Variants in RHOG observed in about 807,000 individuals in gnomAD.
The protein encoded by RHOG is ras homolog family member G, also known as rho-related GTP-binding protein RhoG.
A neutral mutation model predicts 12.3 loss-of-function variants in RHOG; 1 was observed. The ratio of observed to expected loss-of-function variants is 0.08; its 90% CI spans 0.03 to 0.39. The LOEUF is 0.39. Ranked by LOEUF, RHOG falls within the 10% of genes least tolerant of loss-of-function variation. The probability of loss-of-function intolerance (pLI) is 0.99; values close to 1 mark genes in which losing one functional copy is unlikely to be tolerated. For missense variants in RHOG, 114 were observed against 266.2 expected (o/e 0.43, Z 3.98); for synonymous variants, 129 against 116.0 (o/e 1.11, Z -0.72).
intron 1 of RHOG, among the ~76,000 whole-genome samples, chr11:3,834,814 G>A (rs968857507): frequency 6.6e-6 from 1 of 152,156 alleles, no homozygotes; most frequent in African/African-American, 2.4e-5. Flanking sequence ...AAAGATAGGC[G>A]AGTATGGAGG....
chr11:3,827,364 C>A lies in RHOG; in HGVS notation c.*199G>T. 1.7e-6 allele frequency: 1 copy of A among 592,980 alleles called. No homozygotes were observed. Among genetic ancestry groups the A allele is most frequent in the South Asian group, 2.1e-5 (1 of 48,160 alleles). The allele number at this position is 592,980 out of a possible 1,614,324, so 36.7% of individuals were successfully genotyped here. A position where few individuals can be genotyped will look rare whatever the true frequency, so the allele number is the denominator to read the frequency against. Reference sequence around the variant, plus strand: ...CATGAGAATACCCAGTGTTCCCAAGCAGAGGGGGGCAGAGCCCAAAGCCCC... The same window carrying A: ...CATGAGAATACCCAGTGTTCCCAAGAAGAGGGGGGCAGAGCCCAAAGCCCC... On this transcript the variant is annotated 3_prime_UTR_variant, in exon 2 of 2. Transcript: ENST00000351018. The surrounding 1 kb of genome is among the most constrained non-coding windows in gnomAD (Gnocchi z 7.3).
chr11:3,828,423 G>T (rs990105483), intron 1 of RHOG, among the ~76,000 whole-genome samples: 1 of 152,128 alleles, frequency 6.6e-6, no homozygotes, highest in East Asian at 1.9e-4. Context: ...AAACTCTGGC[G>T]CCAGACAAAC....
At position 3,827,836 on chromosome 11, in the gene RHOG, C is replaced by T. The variant is rs1476245034; in HGVS notation, c.303G>A (p.Val101=). 2 of 1,614,182 alleles carry T rather than the reference C, an allele frequency of 1.2e-6. No individual in the cohort carries two copies. The highest frequency in any genetic ancestry group is 1.1e-5 in the South Asian group (1 of 91,088). ...ENVRHKWHPE[V]CHHCPDVPIL... is the part of the protein sequence containing the mutation. ...TGGGCACATCAGGGCAGTGGTGGCACACCTCTGGATGCCACTTGTGCCGCA... is the reference window on the plus strand; with the variant it reads ...TGGGCACATCAGGGCAGTGGTGGCATACCTCTGGATGCCACTTGTGCCGCA... Residue 101 remains valine (V), a synonymous_variant, in exon 2 of 2, where the codon GTG becomes GTA. Transcript: ENST00000351018. This position sits in a 1 kb window ranked among gnomAD's most constrained non-coding sequence, Gnocchi z 7.3.
chr11:3,830,794 A>G (rs2090123145), intron 1 of RHOG: 1 of 152,254 alleles, frequency 6.6e-6, no homozygotes, highest in Non-Finnish European at 1.5e-5. Flanking sequence ...GCTCCAGCCA[A>G]CATCTGGTTA....
intron 1 of RHOG, among the ~76,000 whole-genome samples, chr11:3,831,890 G>A (rs918450407): frequency 6.6e-6 from 1 of 152,174 alleles, no homozygotes; most frequent in Non-Finnish European, 1.5e-5. Context: ...AGGGAACTCC[G>A]GCTGGCTGTC....
intron 1 of RHOG, among the ~76,000 whole-genome samples, chr11:3,838,423 A>G (rs2090169039): frequency 6.6e-6 from 1 of 152,136 alleles, no homozygotes; most frequent in Admixed American, 6.5e-5. Flanking sequence ...TAAAGTAACT[A>G]CTGGTTTGCC....
chr11:3,836,147 G>A (rs1450836112), intron 1 of RHOG, among the ~76,000 whole-genome samples: 4 of 151,434 alleles, frequency 2.6e-5, no homozygotes, highest in African/African-American at 7.3e-5. Flanking sequence ...GAGATCAGGA[G>A]TTCGAAACCA....
chr11:3,836,729 T>A (rs1183855692), intron 1 of RHOG, among the ~76,000 whole-genome samples: 1 of 150,944 alleles, frequency 6.6e-6, no homozygotes, highest in Non-Finnish European at 1.5e-5. Context: ...TGAAACCCCA[T>A]CTCTACTAAA....
chr11:3,828,037 G>T lies in RHOG; in HGVS notation c.102C>A (p.Pro34=). ...TTNAFPKEYI[P]TVFDNYSAQS... Reference sequence around the variant, plus strand: ...GCGCGCTGTAATTGTCGAACACGGTGGGGATGTACTCTTTGGGGAAAGCGT... The same window carrying T: ...GCGCGCTGTAATTGTCGAACACGGTTGGGATGTACTCTTTGGGGAAAGCGT... Residue 34 remains proline (P), a synonymous_variant, in exon 2 of 2, where the codon CCC becomes CCA. Transcript: ENST00000351018. The T allele has an allele frequency of 6.2e-7, 1 of 1,614,264 alleles. No individual in the cohort carries two copies. Among genetic ancestry groups the T allele is most frequent in the Non-Finnish European group, 8.5e-7 (1 of 1,180,048 alleles).
intron 1 of RHOG, among the ~76,000 whole-genome samples, chr11:3,829,574 G>A (rs2090113801): frequency 6.6e-6 from 1 of 151,702 alleles, no homozygotes; most frequent in Admixed American, 6.6e-5. Flanking sequence ...TGTAAGTACT[G>A]AAAACCCTAT....
At chr11:3,831,411 A>T (rs2090127615) in intron 1 of RHOG, among the ~76,000 whole-genome samples, 1 of 148,088 alleles carries the variant, frequency 6.8e-6, no homozygotes, top group African/African-American at 2.6e-5. Context: ...TGAATGAGAG[A>T]GAGTGTGTGT....
chr11:3,838,829 A>C (rs751635321), intron 1 of RHOG, among the ~76,000 whole-genome samples: 1 of 152,196 alleles, frequency 6.6e-6, no homozygotes, highest in Non-Finnish European at 1.5e-5. Context: ...CTAGAGTGGA[A>C]ACAAGAGCCT....
intron 1 of RHOG, among the ~76,000 whole-genome samples, chr11:3,836,357 CAAAA>C (rs61427960): frequency 4.2e-5 from 5 of 119,570 alleles, no homozygotes; most frequent in African/African-American, 1.5e-4. Context: ...ACTCCATCTC[CAAAA>C]AAAAAAAAAA....
chr11:3,832,390 A>G (rs2090135262), intron 1 of RHOG, among the ~76,000 whole-genome samples: 1 of 152,176 alleles, frequency 6.6e-6, no homozygotes, highest in African/African-American at 2.4e-5. Flanking sequence ...TCTTCAAGTT[A>G]CCCCTTACCA....
chr11:3,836,401 CTCCACCTCTTGTCAT>C (rs770830940), intron 1 of RHOG, among the ~76,000 whole-genome samples: 53 of 150,544 alleles, frequency 3.5e-4, no homozygotes, highest in African/African-American at 1.2e-3. Context: ...CTGGAGGACT[CTCCACCTCTTGTCAT>C]TCATCCTTCA....
At chr11:3,833,225 G>A (rs1025163041) in intron 1 of RHOG, among the ~76,000 whole-genome samples, 4 of 152,026 alleles carry the variant, frequency 2.6e-5, no homozygotes, top group African/African-American at 9.7e-5. Flanking sequence ...TCAGCCTCCT[G>A]AGTAGCTGGG....
intron 1 of RHOG, chr11:3,837,869 T>G (rs1338772347): frequency 6.6e-6 from 1 of 152,262 alleles, no homozygotes. Flanking sequence ...GCATTCATGA[T>G]TTAGCACTGA....
rs183873840 is a variant in RHOG at position 3,836,861 on chromosome 11, C to T, written c.-69+4033G>A. The stretch of plus-strand genomic sequence containing the variant: ...GAGGTTGTGGTGAGCTGAGATCGCG[C>T]CATTGCACTCCAGCCTGGGTGACAG... On this transcript the variant is annotated intron_variant, in intron 1 of 1. Coordinates refer to ENST00000351018, the MANE Select transcript of RHOG (RefSeq NM_001665.4). 4.8e-3 allele frequency among the ~76,000 whole-genome samples: 692 copies of T among 143,968 alleles called. 6 individuals are homozygous for T. The highest frequency in any genetic ancestry group is 8.0e-3 in the Non-Finnish European group (537 of 66,834). 94.4% of individuals were successfully genotyped at this position (143,968 alleles called of 152,430 possible).
At chr11:3,836,052 TAAAA>T (rs58765611) in intron 1 of RHOG, among the ~76,000 whole-genome samples, 2 of 142,540 alleles carry the variant, frequency 1.4e-5, no homozygotes, top group Non-Finnish European at 1.5e-5. Context: ...TTCCTAGCCT[TAAAA>T]AAAAAAAAAA....
Sources: allele counts gnomAD v4.1 joint callset (sites outside exome capture counted in the v4.1 genomes callset), GRCh38; gene constraint gnomAD v4.1.1; non-coding constraint Gnocchi (gnomAD v3.1); transcripts MANE v1.5; gene names NCBI Gene and HGNC (gene_info 2026-07-23, HGNC 2026-07-21).